Variants in SYT1 observed in about 807,000 individuals in gnomAD.
SYT1 encodes synaptotagmin 1.
In SYT1, 8 loss-of-function variants were observed where a neutral mutation model predicts 44.8. The observed-to-expected ratio is 0.18, with a 90% CI of 0.10 to 0.32. The LOEUF (loss-of-function observed/expected upper bound fraction) is 0.32. Ranked by LOEUF, SYT1 falls within the 10% of genes least tolerant of loss-of-function variation. SYT1 has a pLI of 1.00. For synonymous variants in SYT1, 154 were observed against 188.8 expected (o/e 0.82, Z 1.51); for missense variants, 286 against 509.3 (o/e 0.56, Z 4.22).
At chr12:79,372,021 C>G (rs1042058185) in intron 9 of SYT1, among the ~76,000 whole-genome samples, 5 of 152,192 alleles carry the variant, frequency 3.3e-5, no homozygotes, top group African/African-American at 1.2e-4. Flanking sequence ...TTTTCTCATT[C>G]ATGAGAATGA....
intron 9 of SYT1, among the ~76,000 whole-genome samples, chr12:79,443,400 T>C (rs971061333): frequency 1.3e-5 from 2 of 152,214 alleles, no homozygotes; most frequent in Non-Finnish European, 2.9e-5. Context: ...ATTCTGCTTT[T>C]CTCTTACAGA....
chr12:79,096,320 A>G (rs774337856), intron 3 of SYT1, among the ~76,000 whole-genome samples: 2 of 151,966 alleles, frequency 1.3e-5, no homozygotes, highest in Non-Finnish European at 2.9e-5. Context: ...TTTCAGAGCT[A>G]TGCTTGTGTC....
At chr12:79,319,393 T>C (rs1029026206) in intron 8 of SYT1, among the ~76,000 whole-genome samples, 8 of 152,086 alleles carry the variant, frequency 5.3e-5, no homozygotes, top group Non-Finnish European at 1.2e-4. Context: ...CTCAGAGAAG[T>C]TGGAATTCCA....
chr12:79,401,700 C>T (rs1046634813), intron 9 of SYT1, among the ~76,000 whole-genome samples: 4 of 148,028 alleles, frequency 2.7e-5, no homozygotes, highest in Non-Finnish European at 5.9e-5. Context: ...GACAAGGTCT[C>T]ACCCTGCTAC....
At chr12:79,320,778 AG>A (rs1881321687) in intron 8 of SYT1, among the ~76,000 whole-genome samples, 2 of 150,114 alleles carry the variant, frequency 1.3e-5, no homozygotes, top group Admixed American at 1.3e-4. Flanking sequence ...ATGTTCCACC[AG>A]GCACAGCTAA....
intron 9 of SYT1, among the ~76,000 whole-genome samples, chr12:79,388,949 TC>T: frequency 6.6e-6 from 1 of 152,114 alleles, no homozygotes; most frequent in Non-Finnish European, 1.5e-5. Flanking sequence ...ACAAATCAAC[TC>T]CAAAGTAACC....
intron 3 of SYT1, among the ~76,000 whole-genome samples, 197 bp downstream of exon 3, chr12:79,047,559 A>G (rs1315555952): frequency 2.6e-5 from 4 of 151,792 alleles, no homozygotes; most frequent in African/African-American, 9.7e-5. Flanking sequence ...AGGGCAAAGT[A>G]CTCGTTGTGA....
chr12:79,253,423 G>A (rs947660341), intron 4 of SYT1, among the ~76,000 whole-genome samples: 5 of 151,562 alleles, frequency 3.3e-5, no homozygotes, highest in Non-Finnish European at 5.9e-5. Context: ...ATATGAGACA[G>A]TAAACGTAAT....
intron 4 of SYT1, among the ~76,000 whole-genome samples, chr12:79,242,193 A>G (rs1377701448): frequency 6.6e-6 from 1 of 152,208 alleles, no homozygotes; most frequent in African/African-American, 2.4e-5. Context: ...GACGAGCTGC[A>G]TGTGGATCAC....
intron 9 of SYT1, among the ~76,000 whole-genome samples, chr12:79,410,184 G>A (rs1868358784): frequency 6.6e-6 from 1 of 152,106 alleles, no homozygotes; most frequent in South Asian, 2.1e-4. Context: ...TAAGTTTCAT[G>A]TTGCTAAAAG....
At chr12:79,279,494 G>A (rs11524975) in intron 4 of SYT1, among the ~76,000 whole-genome samples, 52,153 of 151,744 alleles carry the variant, frequency 0.34, 9,338 homozygotes, top group East Asian at 0.58. Flanking sequence ...GAAGGAAAAG[G>A]AACATAACTC....
intron 2 of SYT1, among the ~76,000 whole-genome samples, chr12:79,015,177 A>G (rs1871724298): frequency 6.6e-6 from 1 of 152,016 alleles, no homozygotes; most frequent in Non-Finnish European, 1.5e-5. Flanking sequence ...TAACCTGCAC[A>G]TTGTGCACAT....
At chr12:78,897,121 A>G (rs899368684) in intron 1 of SYT1, among the ~76,000 whole-genome samples, 20 of 151,878 alleles carry the variant, frequency 1.3e-4, no homozygotes, top group African/African-American at 4.8e-4. Context: ...TAGACTACAA[A>G]ATAGCAAACC....
chr12:79,407,445 A>G (rs1399463949), intron 9 of SYT1, among the ~76,000 whole-genome samples: 31 of 152,136 alleles, frequency 2.0e-4, no homozygotes, highest in Non-Finnish European at 1.3e-4. Context: ...TGAGTGATCT[A>G]GCCACCCTCT....
chr12:78,896,289 A>C (rs565775428), intron 1 of SYT1, among the ~76,000 whole-genome samples: 5 of 151,874 alleles, frequency 3.3e-5, no homozygotes, highest in African/African-American at 1.2e-4. Flanking sequence ...CCCTTACAGG[A>C]ATCACAAGAA....
intron 4 of SYT1, among the ~76,000 whole-genome samples, chr12:79,280,403 C>T (rs1032732922): frequency 1.3e-4 from 20 of 151,912 alleles, no homozygotes; most frequent in African/African-American, 4.6e-4. Context: ...ACTGGGGAAT[C>T]GATATCCTAT....
chr12:79,054,067 A>G (rs1778779600), intron 3 of SYT1, among the ~76,000 whole-genome samples: 1 of 152,014 alleles, frequency 6.6e-6, no homozygotes, highest in African/African-American at 2.4e-5. Context: ...TTATTCAAAG[A>G]ATTCTTCTGA....
At chr12:78,931,238 A>AGAAAGAAAGAAAGAAAGAAAGGAAGGAAG (rs1877667216) in intron 1 of SYT1, among the ~76,000 whole-genome samples, 1 of 41,120 alleles carries the variant, frequency 2.4e-5, no homozygotes, top group African/African-American at 1.1e-4. Flanking sequence ...AAAGAAAGAA[A>AGAAAGAAAGAAAGAAAGAAAGGAAGGAAG]GAAGGAAGGA....
intron 2 of SYT1, among the ~76,000 whole-genome samples, chr12:79,027,749 A>T (rs1216993838): frequency 1.3e-5 from 2 of 151,620 alleles, no homozygotes; most frequent in Non-Finnish European, 3.0e-5. Flanking sequence ...TTTATTTAAA[A>T]CCATAAATAA....
Sources: allele counts gnomAD v4.1 joint callset (sites outside exome capture counted in the v4.1 genomes callset), GRCh38; gene constraint gnomAD v4.1.1; transcripts MANE v1.5; gene names NCBI Gene and HGNC (gene_info 2026-07-23, HGNC 2026-07-21).